Variants in LRP1B observed in about 807,000 individuals in gnomAD.
The protein encoded by LRP1B is LDL receptor related protein 1B.
In LRP1B, 217 loss-of-function variants were observed where a neutral mutation model predicts 556.6. That is an observed-to-expected ratio of 0.39 (90% CI 0.35 to 0.44). LRP1B has a LOEUF of 0.44. Among genes scored for constraint, LRP1B ranks in the 20% least tolerant of loss-of-function variants. LRP1B has a pLI of 1.00. For missense variants in LRP1B, 5,053 were observed against 5,620.8 expected, an observed-to-expected ratio of 0.90 and a Z score of 3.23; for synonymous variants, 2,047 against 1,865.8, an observed-to-expected ratio of 1.10 and a Z score of -2.50.
chr2:140,352,412 G>A (rs963533416), intron 76 of LRP1B, among the ~76,000 whole-genome samples: 1 of 152,108 alleles, frequency 6.6e-6, no homozygotes, highest in African/African-American at 2.4e-5. Flanking sequence ...CTGATCTCGT[G>A]ATCCACTCGC....
chr2:140,328,355 C>T (rs576752410), intron 79 of LRP1B, among the ~76,000 whole-genome samples: 1 of 150,924 alleles, frequency 6.6e-6, no homozygotes, highest in East Asian at 2.0e-4. Flanking sequence ...CAGTATATCT[C>T]CCTTGATACC....
rs61336155 is a variant in LRP1B at position 140,600,767 on chromosome 2, G to GTTTTTTTTTTTTTTTT, written c.6989+667_6989+682dup. Among the ~76,000 whole-genome samples the GTTTTTTTTTTTTTTTT allele has an allele frequency of 1.7e-3, 97 of 56,866 alleles. 4 individuals carry two copies. Among genetic ancestry groups the GTTTTTTTTTTTTTTTT allele is most frequent in the Non-Finnish European group, 2.5e-3 (75 of 29,556 alleles). 37.3% of individuals were successfully genotyped at this position (56,866 alleles called of 152,430 possible). ...CCTTACCTGTGCTTTGTTCTTCGGG[G>GTTTTTTTTTTTTTTTT]TTTTTTTTTTTTTTTTTTTTTTTTT... On this transcript the variant is annotated intron_variant, in intron 42 of 90. Transcript: ENST00000389484.
chr2:141,852,681 C>T (rs1460343746), intron 1 of LRP1B, among the ~76,000 whole-genome samples: 2 of 151,726 alleles, frequency 1.3e-5, no homozygotes, highest in African/African-American at 2.4e-5. Flanking sequence ...AACAGCATTT[C>T]GAGTAATTTG....
chr2:140,341,222 G>C (rs904774178), intron 77 of LRP1B, among the ~76,000 whole-genome samples: 7 of 151,508 alleles, frequency 4.6e-5, no homozygotes, highest in Admixed American at 3.3e-4. Flanking sequence ...ACACGTGCTA[G>C]GTAAATATAG....
intron 7 of LRP1B, among the ~76,000 whole-genome samples, chr2:141,070,539 C>A (rs1042186558): frequency 1.3e-5 from 2 of 151,958 alleles, no homozygotes; most frequent in African/African-American, 2.4e-5. Context: ...ACACAAACAA[C>A]CCTTCAAAAA....
intron 41 of LRP1B, among the ~76,000 whole-genome samples, chr2:140,681,391 A>T (rs1685854639): frequency 6.6e-6 from 1 of 152,196 alleles, no homozygotes; most frequent in Non-Finnish European, 1.5e-5. Flanking sequence ...TAATACTTTC[A>T]TATCAGTGAA....
At chr2:140,852,933 G>A (rs1349418510) in intron 27 of LRP1B, among the ~76,000 whole-genome samples, 2 of 151,876 alleles carry the variant, frequency 1.3e-5, no homozygotes, top group East Asian at 1.9e-4. Context: ...ACTAGGCTAC[G>A]AAATTGAAGG....
At chr2:141,154,366 T>G (rs1012587462) in intron 7 of LRP1B, among the ~76,000 whole-genome samples, 1 of 151,926 alleles carries the variant, frequency 6.6e-6, no homozygotes, top group African/African-American at 2.4e-5. Flanking sequence ...TTATTCTTAT[T>G]TTATTCATCC....
chr2:140,469,075 G>C (rs1160568935), intron 60 of LRP1B, among the ~76,000 whole-genome samples: 1 of 152,150 alleles, frequency 6.6e-6, no homozygotes, highest in Non-Finnish European at 1.5e-5. Flanking sequence ...GATCAAATAA[G>C]TGTATTTTGC....
At chr2:140,514,151 A>T (rs565297235) in intron 51 of LRP1B, among the ~76,000 whole-genome samples, 1 of 152,132 alleles carries the variant, frequency 6.6e-6, no homozygotes, top group East Asian at 1.9e-4. Flanking sequence ...CTACATTTTA[A>T]AGTGCATTTT....
chr2:142,021,682 T>C (rs1223018523), intron 1 of LRP1B, among the ~76,000 whole-genome samples: 1 of 152,068 alleles, frequency 6.6e-6, no homozygotes, highest in Non-Finnish European at 1.5e-5. Flanking sequence ...AATTTACCCA[T>C]AAAAATTAGC....
intron 2 of LRP1B, among the ~76,000 whole-genome samples, chr2:141,639,304 G>GTATA (rs577532316): frequency 4.8e-4 from 28 of 58,404 alleles, no homozygotes; most frequent in Non-Finnish European, 5.4e-4. Flanking sequence ...CATCATGTGT[G>GTATA]TATATATATA....
intron 3 of LRP1B, among the ~76,000 whole-genome samples, chr2:141,367,785 C>A (rs762507802): frequency 6.6e-6 from 1 of 151,774 alleles, no homozygotes; most frequent in Non-Finnish European, 1.5e-5. Context: ...CCGTGCCCAG[C>A]CTGGAATGAA....
chr2:142,011,858 C>T (rs1246148092), intron 1 of LRP1B, among the ~76,000 whole-genome samples: 1 of 151,930 alleles, frequency 6.6e-6, no homozygotes, highest in Non-Finnish European at 1.5e-5. Flanking sequence ...ATCTCAAGTA[C>T]ATTTGTTTTG....
intron 3 of LRP1B, among the ~76,000 whole-genome samples, chr2:141,297,864 TATA>T (rs1361603387): frequency 6.6e-6 from 1 of 152,190 alleles, no homozygotes; most frequent in Non-Finnish European, 1.5e-5. Context: ...CAGTATCCAG[TATA>T]ATAATATGCT....
At chr2:140,986,116 T>C (rs1252003541) in intron 17 of LRP1B, among the ~76,000 whole-genome samples, 1 of 151,934 alleles carries the variant, frequency 6.6e-6, no homozygotes, top group Non-Finnish European at 1.5e-5. Context: ...TTAGTGGTTT[T>C]TTTTTCCTTG....
At chr2:140,639,617 A>T (rs1055350388) in intron 41 of LRP1B, among the ~76,000 whole-genome samples, 10 of 152,182 alleles carry the variant, frequency 6.6e-5, no homozygotes, top group African/African-American at 2.4e-4. Flanking sequence ...TGCTAGGTCT[A>T]AAAGGTTTCC....
At chr2:141,690,576 A>G (rs946947803) in intron 2 of LRP1B, among the ~76,000 whole-genome samples, 2 of 150,504 alleles carry the variant, frequency 1.3e-5, no homozygotes, top group African/African-American at 4.9e-5. Flanking sequence ...ACTAAGAAAT[A>G]TAATGTTAGA....
intron 35 of LRP1B, among the ~76,000 whole-genome samples, chr2:140,739,258 AT>A (rs1688054454): frequency 6.6e-6 from 1 of 152,142 alleles, no homozygotes. Context: ...CTTTGCAGAG[AT>A]TTGGGGATTT....
Sources: allele counts gnomAD v4.1 joint callset (sites outside exome capture counted in the v4.1 genomes callset), GRCh38; gene constraint gnomAD v4.1.1; transcripts MANE v1.5; gene names NCBI Gene and HGNC (gene_info 2026-07-23, HGNC 2026-07-21).